Variants in BAZ2A observed in about 807,000 individuals in gnomAD.
BAZ2A encodes the protein bromodomain adjacent to zinc finger domain 2A.
BAZ2A carries 34 observed loss-of-function variants against 199.9 expected under a neutral mutation model. That is an observed-to-expected ratio of 0.17 (90% CI 0.13 to 0.23). The LOEUF is 0.23. Ranked by LOEUF, BAZ2A falls within the 10% of genes least tolerant of loss-of-function variation. The pLI is 1.00. For synonymous variants in BAZ2A, 857 were observed against 883.9 expected (o/e 0.97, Z 0.54); for missense variants, 2,002 against 2,391.1 (o/e 0.84, Z 3.39).
rs1278545228 is a variant in BAZ2A, at chr12:56,601,107, A to G, written c.4295-9T>C. Reference sequence around the variant, plus strand: ...CCAGCCTGAGCACATCTCTGTGAGCAGATGAGATATATGTGGGGCGCCAGC... The same window carrying G: ...CCAGCCTGAGCACATCTCTGTGAGCGGATGAGATATATGTGGGGCGCCAGC... On this transcript the variant is annotated splice_polypyrimidine_tract_variant and intron_variant, in intron 21 of 28. Coordinates refer to ENST00000549884, the MANE Select transcript of BAZ2A (RefSeq NM_001300905.2). The G allele has an allele frequency of 6.2e-7, 1 of 1,613,744 alleles. No homozygotes were observed. Among genetic ancestry groups the G allele is most frequent in the South Asian group, 1.1e-5 (1 of 91,040 alleles).
intron 1 of BAZ2A, among the ~76,000 whole-genome samples, chr12:56,619,824 CAT>C (rs1453901264): frequency 6.6e-6 from 1 of 152,094 alleles, no homozygotes; most frequent in Non-Finnish European, 1.5e-5. Flanking sequence ...GCTTGGGAAA[CAT>C]AGCAAGGCTC....
At chr12:56,632,806 G>A (rs982226676), upstream of BAZ2A, among the ~76,000 whole-genome samples, 1 of 152,016 alleles carries the variant, frequency 6.6e-6, no homozygotes, top group Non-Finnish European at 1.5e-5. Context: ...ATGAGGTTGG[G>A]GTGACAGTGT....
At chr12:56,612,594 G>C (rs1335585943) in intron 5 of BAZ2A, among the ~76,000 whole-genome samples, 1 of 152,078 alleles carries the variant, frequency 6.6e-6, no homozygotes, top group Non-Finnish European at 1.5e-5. Flanking sequence ...CTATCCCATA[G>C]CCCCTCAGCT....
Position 56,615,116 on chromosome 12 carries a change from C to T in BAZ2A, c.628G>A (p.Gly210Ser), listed in dbSNP as rs1443848529. The change falls in exon 3 of 29, where the codon GGT becomes AGT. Residue 210 changes from glycine to serine, a missense_variant. Physicochemically the swap from Gly to Ser is moderately conservative, Grantham distance 56. Transcript: ENST00000549884. ...TCTGCTGCCTCATCAGGATGGATAC[C>T]ACTGCCTACCTCCTGGGAGGGTGCA... is the stretch of plus-strand genomic sequence containing the variant. ...TFAPSQEVGS[G>S]IHPDEAAEKE... 1.9e-6 allele frequency: 3 copies of T among 1,613,878 alleles called. No individual in the cohort carries two copies. The highest frequency in any genetic ancestry group is 2.5e-6 in the Non-Finnish European group (3 of 1,179,872).
In BAZ2A at chr12:56,604,606, T is replaced by C. The variant is rs1299581732; in HGVS notation, c.2942A>G (p.Asn981Ser). The C allele has an allele frequency of 5.0e-6, 8 of 1,594,644 alleles. No homozygotes were observed. The highest frequency in any genetic ancestry group is 6.8e-6 in the Non-Finnish European group (8 of 1,170,474). Residue 981 changes from asparagine to serine, a missense_variant, in exon 15 of 29, where the codon AAT becomes AGT. Around this residue, in one of 6 missense-constraint regions of BAZ2A, gnomAD observed 1,081 missense variants for 1,274.7 expected, o/e 0.85. Transcript: ENST00000549884. ...AVLAFLVHELNGSTLIINEID... is the reference protein window; with the variant it reads ...AVLAFLVHELSGSTLIINEID... Reference sequence around the variant, plus strand: ...TCACTTGATGATGAGGGTGGAGCCATTGAGCTCATGCACAAGGAAGGCCAG... The same window carrying C: ...TCACTTGATGATGAGGGTGGAGCCACTGAGCTCATGCACAAGGAAGGCCAG...
At chr12:56,631,314 G>A (rs1373830369), upstream of BAZ2A, among the ~76,000 whole-genome samples, 1 of 151,972 alleles carries the variant, frequency 6.6e-6, no homozygotes. Context: ...AGCTGGGTGT[G>A]GTGGCGTGCC....
At chr12:56,637,438 C>T (rs1302481864), upstream of BAZ2A, among the ~76,000 whole-genome samples, 2 of 152,174 alleles carry the variant, frequency 1.3e-5, no homozygotes, top group East Asian at 1.9e-4. Flanking sequence ...GGGATCTTCA[C>T]AGAGGGTGGA....
chr12:56,629,962 G>A (rs999180310), intron 1 of BAZ2A, 163 bp downstream of exon 1: 27 of 448,720 alleles, frequency 6.0e-5, no homozygotes, highest in Non-Finnish European at 2.4e-5. Context: ...CCAGAGCAAG[G>A]AGACCCTCGC....
chr12:56,600,032 C>G lies in BAZ2A; in HGVS notation c.4957G>C (p.Ala1653Pro), dbSNP rs771649179. Residue 1653 changes from alanine (A) to proline (P), a missense_variant, in exon 25 of 29, where the codon GCC becomes CCC. This residue lies in a region of BAZ2A where 1,081 missense variants were observed against 1,274.7 expected (regional missense o/e 0.85). Coordinates refer to ENST00000549884, the MANE Select transcript of BAZ2A (RefSeq NM_001300905.2). Reference sequence around the variant, plus strand: ...TGGCCCAGGCACAAGCACACCTGGGCTGCGCTCCGGCACCGCTCGAGGGTC... The same window carrying G: ...TGGCCCAGGCACAAGCACACCTGGGGTGCGCTCCGGCACCGCTCGAGGGTC... ...RQTLERCRSA[A>P]QVCLCLGQLE... The G allele has an allele frequency of 4.3e-6, 7 of 1,613,952 alleles. No homozygotes were observed. In the Admixed American group the frequency reaches 8.3e-5, roughly 19 times the overall value.
rs771731246 is a variant in BAZ2A at position 56,600,095 on chromosome 12, A to G, written c.4894T>C (p.Ser1632Pro). Reference protein sequence around the residue: ...GAPEGTTTEISYEITPRIRVW... With the variant: ...GAPEGTTTEIPYEITPRIRVW... ...CGAATGCGAGGGGTGATCTCATATG[A>G]TCTGGAGGGAGAAAGTGGTGATCTT... The change falls in exon 25 of 29, where the codon TCA (serine) becomes CCA (proline). Residue 1632 changes from serine (S) to proline (P), a missense_variant and splice_region_variant. Ser to Pro is a moderately conservative substitution (Grantham distance 74). Around this residue, in one of 6 missense-constraint regions of BAZ2A, gnomAD observed 1,081 missense variants for 1,274.7 expected, o/e 0.85. Coordinates refer to ENST00000549884, the MANE Select transcript of BAZ2A (RefSeq NM_001300905.2). The G allele has an allele frequency of 6.2e-7, 1 of 1,613,904 alleles. No homozygotes were observed. Among genetic ancestry groups the G allele is most frequent in the South Asian group, 1.1e-5 (1 of 91,082 alleles).
At chr12:56,605,703 G>A (rs1950325379) in intron 13 of BAZ2A, 127 bp downstream of exon 13, 2 of 1,085,648 alleles carry the variant, frequency 1.8e-6, no homozygotes, top group Non-Finnish European at 2.6e-6. Context: ...ATTACAGTGT[G>A]AGCCATGGCA....
intron 7 of BAZ2A, chr12:56,611,302 T>C (rs1477065464): frequency 1.9e-6 from 1 of 538,098 alleles, no homozygotes; most frequent in Non-Finnish European, 3.3e-6. Context: ...GCCCTAGGGT[T>C]TGGAAAAGAT....
chr12:56,617,382 C>A lies in BAZ2A; in HGVS notation c.136+13G>T. 1 of 1,589,442 alleles carries A rather than the reference C, an allele frequency of 6.3e-7. No homozygotes were observed. The highest frequency in any genetic ancestry group is 8.6e-7 in the Non-Finnish European group (1 of 1,167,670). On this transcript the variant is annotated intron_variant, in intron 2 of 28. Transcript: ENST00000549884. ...CCCATTCCCTCCCCAGGCCAAGCAG[C>A]CCTCACACTCACTTTTCCCTTGCTG...
chr12:56,604,894 TGG>T, intron 14 of BAZ2A, 95 bp from the exon 15 acceptor site: 1 of 1,443,848 alleles, frequency 6.9e-7, no homozygotes, highest in African/African-American at 1.4e-5. Flanking sequence ...AAGAGAACTA[TGG>T]GGGTTAAGAC....
At chr12:56,626,979 C>A (rs143479744) in intron 1 of BAZ2A, among the ~76,000 whole-genome samples, 401 of 152,294 alleles carry the variant, frequency 2.6e-3, no homozygotes, top group African/African-American at 4.3e-3. Context: ...AAAACCCCAA[C>A]AGCCCCAGTG....
In BAZ2A at chr12:56,606,078, G is replaced by A; in HGVS notation, c.2260-15C>T. ...TCTTTCTCAGCCTACCCAAGGAAGA[G>A]AGGAACCAAGACTGCCATAAAGATA... On this transcript the variant is annotated splice_polypyrimidine_tract_variant and intron_variant, in intron 12 of 28. Coordinates refer to ENST00000549884, the MANE Select transcript of BAZ2A (RefSeq NM_001300905.2). The A allele has an allele frequency of 6.4e-7, 1 of 1,551,412 alleles. No homozygotes were observed.
At chr12:56,611,660 A>G in intron 6 of BAZ2A, 27 bp from the exon 7 acceptor site, 1 of 1,583,542 alleles carries the variant, frequency 6.3e-7, no homozygotes, top group Non-Finnish European at 8.6e-7. Flanking sequence ...ACCCAAGTTA[A>G]GAGTTCAAGC....
In BAZ2A at chr12:56,606,277, T is replaced by C; in HGVS notation, c.2229A>G (p.Leu743=). 6.2e-7 allele frequency: 1 copy of C among 1,614,056 alleles called. No homozygotes were observed. Among genetic ancestry groups the C allele is most frequent in the Admixed American group, 1.7e-5 (1 of 60,030 alleles). ...RNKRKQETKS[L]KQKEAKKKSK... is the part of the protein sequence containing the mutation. The stretch of plus-strand genomic sequence containing the variant: ...ATTTCTTCTTAGCTTCCTTCTGCTT[T>C]AAGCTCTTGGTCTCTTGTTTCCGCT... The change falls in exon 12 of 29, where the codon TTA becomes TTG. Residue 743 remains leucine (L), a synonymous_variant. Transcript: ENST00000549884.
At chr12:56,606,786 A>G in intron 10 of BAZ2A, 53 bp from the exon 11 acceptor site, 1 of 1,470,106 alleles carries the variant, frequency 6.8e-7, no homozygotes, top group Non-Finnish European at 9.5e-7. Flanking sequence ...GCAGTTCTCT[A>G]GCATCCAGGG....
Sources: allele counts gnomAD v4.1 joint callset (sites outside exome capture counted in the v4.1 genomes callset), GRCh38; gene constraint gnomAD v4.1.1; regional missense constraint gnomAD v4.1.1; transcripts MANE v1.5; gene names NCBI Gene and HGNC (gene_info 2026-07-23, HGNC 2026-07-21).